ACOT9: variants seen among roughly 807,000 people sequenced by gnomAD.
The protein encoded by ACOT9 is acyl-CoA thioesterase 9, also known as acyl-coenzyme A thioesterase 9, mitochondrial.
ACOT9 carries 34 observed loss-of-function variants against 39.7 expected under a neutral mutation model. The observed-to-expected ratio is 0.86, with a 90% CI of 0.65 to 1.14. ACOT9 has a LOEUF of 1.14. Among genes scored for constraint, ACOT9 ranks in the 50% most tolerant of loss-of-function variants. The pLI is 0.00. For synonymous variants in ACOT9, 110 were observed against 120.5 expected, an observed-to-expected ratio of 0.91 and a Z score of 0.57; for missense variants, 313 against 344.1, an observed-to-expected ratio of 0.91 and a Z score of 0.71.
At chrX:23,728,663 A>G (rs1929620764) in intron 6 of ACOT9, among the ~76,000 whole-genome samples, 1 of 111,530 alleles carries the variant, frequency 9.0e-6, no homozygotes, top group African/African-American at 3.3e-5. Flanking sequence ...CTCCTCCACT[A>G]AGAGGGTATG....
intron 15 of ACOT9, among the ~76,000 whole-genome samples, 184 bp from the exon 16 acceptor site, chrX:23,704,166 G>GTTTTT (rs1162671112): frequency 1.7e-4 from 11 of 66,306 alleles, no homozygotes; most frequent in African/African-American, 4.0e-4. Context: ...GGCTGGATCA[G>GTTTTT]TTTTTTTTTT....
intron 8 of ACOT9, among the ~76,000 whole-genome samples, chrX:23,721,194 G>A (rs758243408): frequency 4.5e-5 from 5 of 110,911 alleles, no homozygotes; most frequent in South Asian, 7.7e-4. Flanking sequence ...GGGTTCAAGC[G>A]GTTCCCAACC....
intron 8 of ACOT9, 32 bp from the exon 9 acceptor site, chrX:23,713,240 G>A (rs773573037): frequency 8.1e-6 from 9 of 1,115,509 alleles, no homozygotes; most frequent in Admixed American, 2.3e-5. Context: ...ATGTACATAT[G>A]AGAAATGGAT....
chrX:23,712,894 T>C (rs1928949203), intron 9 of ACOT9, among the ~76,000 whole-genome samples: 1 of 112,798 alleles, frequency 8.9e-6, no homozygotes, highest in African/African-American at 3.2e-5. Flanking sequence ...GTGCTGGGAT[T>C]ACAGGCGTGA....
At chrX:23,735,845 T>G in intron 2 of ACOT9, 74 bp downstream of exon 2, 1 of 932,244 alleles carries the variant, frequency 1.1e-6, no homozygotes, top group Non-Finnish European at 1.5e-6. Flanking sequence ...AAACTATCAC[T>G]CTATATACCT....
chrX:23,707,623 G>T, intron 10 of ACOT9: 2 of 193,037 alleles, frequency 1.0e-5, no homozygotes, highest in East Asian at 2.2e-4. Flanking sequence ...TGTAGTCCCA[G>T]CTACTCAGGA....
At chrX:23,738,339 T>G (rs1350709535) in intron 1 of ACOT9, among the ~76,000 whole-genome samples, 1 of 109,315 alleles carries the variant, frequency 9.1e-6, no homozygotes, top group Non-Finnish European at 1.9e-5. Context: ...CCAGGCATGG[T>G]GGCTCATGCC....
At chrX:23,742,980 A>G in intron 1 of ACOT9, 145 bp downstream of exon 1, 1 of 724,363 alleles carries the variant, frequency 1.4e-6, no homozygotes, top group African/African-American at 2.2e-5. Context: ...GGTCGGAGGT[A>G]CAGTGGGCGA....
At position 23,703,019 on chromosome X, in the gene ACOT9, T is replaced by C. The variant is rs1199825846; in HGVS notation, c.*875A>G. 8.9e-6 allele frequency: 1 copy of C among 112,540 alleles called. No individual in the cohort carries two copies. Among genetic ancestry groups the C allele is most frequent in the East Asian group, 2.8e-4 (1 of 3,600 alleles). The allele number at this position is 112,540 out of a possible 1,213,427, so 9.3% of individuals were successfully genotyped here. A position where few individuals can be genotyped will look rare whatever the true frequency, so the allele number is the denominator to read the frequency against. On this transcript the variant is annotated 3_prime_UTR_variant, in exon 16 of 16. Transcript: ENST00000379303. ...GACCAAATGGTCCTGTATTTCCTTA[T>C]CTAGATCATCTCTAAACACCTTCTA...
intron 4 of ACOT9, among the ~76,000 whole-genome samples, chrX:23,732,583 CT>C (rs1281535159): frequency 1.8e-5 from 2 of 111,765 alleles, no homozygotes; most frequent in Non-Finnish European, 3.8e-5. Context: ...TAGATAATTT[CT>C]ATACCAACAA....
At chrX:23,735,335 C>T (rs149835555) in intron 2 of ACOT9, among the ~76,000 whole-genome samples, 1 of 101,888 alleles carries the variant, frequency 9.8e-6, no homozygotes, top group East Asian at 3.3e-4. Flanking sequence ...AAAATAATTA[C>T]TACTAGCTTA....
At chrX:23,736,127 T>C (rs2146857271) in intron 1 of ACOT9, 111 bp from the exon 2 acceptor site, 1 of 511,639 alleles carries the variant, frequency 2.0e-6, no homozygotes, top group Non-Finnish European at 3.1e-6. Flanking sequence ...GTATATATTG[T>C]CTTGTAGGAG....
chrX:23,729,693 G>A (rs1344101343), intron 6 of ACOT9, among the ~76,000 whole-genome samples: 3 of 111,759 alleles, frequency 2.7e-5, no homozygotes, highest in Non-Finnish European at 5.6e-5. Context: ...GTGCAGTGGC[G>A]CGATCTCGGC....
intron 8 of ACOT9, among the ~76,000 whole-genome samples, chrX:23,715,166 G>A (rs1191957234): frequency 3.6e-5 from 4 of 110,937 alleles, no homozygotes; most frequent in Non-Finnish European, 5.7e-5. Flanking sequence ...TCCTGTTAGC[G>A]TGGCATATAA....
chrX:23,714,233 G>A (rs964501755), intron 8 of ACOT9, among the ~76,000 whole-genome samples: 1 of 110,644 alleles, frequency 9.0e-6, no homozygotes, highest in East Asian at 2.8e-4. Flanking sequence ...CTACCCAGAC[G>A]GACCTCCCAT....
In ACOT9 at chrX:23,720,023, C is replaced by G. The variant is rs760384391; in HGVS notation, c.588+1858G>C. Among the ~76,000 whole-genome samples, 231 of 111,548 alleles carry G rather than the reference C, an allele frequency of 2.1e-3. 1 individual carries two copies. Among genetic ancestry groups the G allele is most frequent in the African/African-American group, 6.7e-3 (206 of 30,698 alleles). On this transcript the variant is annotated intron_variant, in intron 8 of 15. Transcript: ENST00000379303. ...CTAATTTTTTTATTTTTAGTAGAGA[C>G]AGGGTTTCACCGTGTTAGCCAGGAT...
chrX:23,728,906 C>T (rs773073601), intron 6 of ACOT9, among the ~76,000 whole-genome samples: 1 of 111,534 alleles, frequency 9.0e-6, no homozygotes, highest in South Asian at 3.7e-4. Context: ...GAAAACCACA[C>T]AGAAGCTAGC....
chrX:23,726,237 T>G (rs1929517965), intron 6 of ACOT9, among the ~76,000 whole-genome samples: 1 of 110,875 alleles, frequency 9.0e-6, no homozygotes, highest in African/African-American at 3.3e-5. Flanking sequence ...TAAAATAAAT[T>G]CAAAAAATAA....
At chrX:23,706,134 C>T (rs1928673123) in intron 11 of ACOT9, among the ~76,000 whole-genome samples, 2 of 110,628 alleles carry the variant, frequency 1.8e-5, no homozygotes, top group Middle Eastern at 4.2e-3. Context: ...GGCGTGGTGG[C>T]GGGCGCCTGT....
Sources: gnomAD v4.1 joint callset for allele counts (sites outside exome capture counted in the v4.1 genomes callset) on GRCh38, gnomAD v4.1.1 for gene constraint, MANE v1.5 for transcripts, NCBI Gene and HGNC (gene_info 2026-07-23, HGNC 2026-07-21) for gene names.